The following AMMECR1 variants were observed in gnomAD, a reference collection of about 807,000 sequenced individuals.
AMMECR1 encodes AMMECR nuclear protein 1.
A neutral mutation model predicts 22.5 loss-of-function variants in AMMECR1; 3 were observed. That is an observed-to-expected ratio of 0.13 (90% confidence interval 0.06 to 0.35). AMMECR1 has a LOEUF of 0.35. Among genes scored for constraint, AMMECR1 ranks in the 10% least tolerant of loss-of-function variants. The pLI is 1.00. For missense variants in AMMECR1, 235 were observed against 278.7 expected, an observed-to-expected ratio of 0.84 and a Z score of 1.12; for synonymous variants, 130 against 116.7, an observed-to-expected ratio of 1.11 and a Z score of -0.74.
chrX:110,262,153 T>G (rs2067744930), intron 2 of AMMECR1, among the ~76,000 whole-genome samples: 1 of 112,118 alleles, frequency 8.9e-6, no homozygotes, highest in Admixed American at 9.4e-5. Flanking sequence ...CCTTACAACT[T>G]TTGATGCTAA....
chrX:110,292,616 G>A (rs780202603), intron 1 of AMMECR1, among the ~76,000 whole-genome samples: 3 of 112,237 alleles, frequency 2.7e-5, no homozygotes, highest in Admixed American at 9.5e-5. Context: ...AATCTAAAAA[G>A]TCTACACACT....
chrX:110,386,947 A>G (rs2068459893), intron 2 of AMMECR1, among the ~76,000 whole-genome samples: 1 of 112,348 alleles, frequency 8.9e-6, no homozygotes. Context: ...CACAACAGAA[A>G]AGATGCCACA....
chrX:110,394,282 C>T (rs1305143958), intron 2 of AMMECR1, among the ~76,000 whole-genome samples: 2 of 111,916 alleles, frequency 1.8e-5, no homozygotes, highest in Non-Finnish European at 1.9e-5. Flanking sequence ...CAGGGTCTCA[C>T]TCCTCTCGCC....
chrX:110,375,573 A>G (rs2148267773), intron 2 of AMMECR1, among the ~76,000 whole-genome samples: 1 of 111,929 alleles, frequency 8.9e-6, no homozygotes, highest in Admixed American at 9.4e-5. Flanking sequence ...TCAATCAATC[A>G]ATCAATTAGA....
chrX:110,348,166 A>G (rs2068197952), intron 2 of AMMECR1, among the ~76,000 whole-genome samples: 1 of 112,095 alleles, frequency 8.9e-6, no homozygotes, highest in African/African-American at 3.2e-5. Context: ...TAATTATTGT[A>G]GTAACTTCAG....
chrX:110,269,046 A>AT (rs2067784544), intron 1 of AMMECR1, among the ~76,000 whole-genome samples: 1 of 112,022 alleles, frequency 8.9e-6, no homozygotes, highest in African/African-American at 3.2e-5. Context: ...TAAACACTCC[A>AT]TTTTTTCATG....
intron 2 of AMMECR1, among the ~76,000 whole-genome samples, chrX:110,348,773 T>TTTATGTATATGC (rs2068200301): frequency 8.9e-6 from 1 of 112,374 alleles, no homozygotes; most frequent in African/African-American, 3.2e-5. Flanking sequence ...ATAATTCACA[T>TTTATGTATATGC]TTATGTATAT....
chrX:110,320,010 A>G (rs1208616010), upstream of AMMECR1, among the ~76,000 whole-genome samples: 1 of 112,444 alleles, frequency 8.9e-6, no homozygotes. Flanking sequence ...ATTTTATGAG[A>G]TAGATAGATG....
At chrX:110,367,482 T>C (rs747625071) in intron 2 of AMMECR1, among the ~76,000 whole-genome samples, 1 of 111,654 alleles carries the variant, frequency 9.0e-6, no homozygotes, top group South Asian at 3.8e-4. Flanking sequence ...TGACACAGTT[T>C]ATCACTCTCT....
chrX:110,228,234 C>A (rs954811287), intron 2 of AMMECR1, among the ~76,000 whole-genome samples: 3 of 111,539 alleles, frequency 2.7e-5, no homozygotes, highest in African/African-American at 9.8e-5. Context: ...TTTATCCTAG[C>A]TGAAACTCAA....
chrX:110,364,300 T>C (rs1182909014), intron 2 of AMMECR1, among the ~76,000 whole-genome samples: 1 of 111,690 alleles, frequency 9.0e-6, no homozygotes, highest in Non-Finnish European at 1.9e-5. Flanking sequence ...ATCCTTATCT[T>C]ACATACATCA....
In AMMECR1 at chrX:110,246,066, C is replaced by T. The variant is rs183561234; in HGVS notation, c.584+18423G>A. ...ATATATAGGATGTTAAATAGCATCCCCATTTCTTTTCCCCAGGCTATTTCT... is the reference window on the plus strand; with the variant it reads ...ATATATAGGATGTTAAATAGCATCCTCATTTCTTTTCCCCAGGCTATTTCT... On this transcript the variant is annotated intron_variant, in intron 2 of 5. Coordinates refer to ENST00000262844, the MANE Select transcript of AMMECR1 (RefSeq NM_015365.3). Among the ~76,000 whole-genome samples, 879 of 112,101 alleles carry T rather than the reference C, an allele frequency of 7.8e-3. 6 individuals carry two copies. Among genetic ancestry groups the T allele is most frequent in the African/African-American group, 0.025 (780 of 30,907 alleles).
At chrX:110,372,245 A>T (rs1318424336) in intron 2 of AMMECR1, among the ~76,000 whole-genome samples, 1 of 112,745 alleles carries the variant, frequency 8.9e-6, no homozygotes, top group East Asian at 2.8e-4. Flanking sequence ...AGGAGGATAT[A>T]AAATCAAGGA....
intron 2 of AMMECR1, among the ~76,000 whole-genome samples, chrX:110,338,722 T>C (rs925341814): frequency 2.7e-5 from 3 of 111,633 alleles, no homozygotes; most frequent in African/African-American, 9.8e-5. Context: ...TGTTCTGGAA[T>C]CTGTATGCCC....
intron 1 of AMMECR1, among the ~76,000 whole-genome samples, chrX:110,314,169 T>C (rs1212537806): frequency 3.6e-5 from 4 of 111,985 alleles, no homozygotes. Context: ...AGGAGCTTGT[T>C]AAACTGCAGA....
chrX:110,248,478 G>A (rs1050783405), intron 2 of AMMECR1, among the ~76,000 whole-genome samples: 1 of 111,841 alleles, frequency 8.9e-6, no homozygotes. Context: ...AGAAATCTAA[G>A]TTCAATAAGA....
intron 1 of AMMECR1, among the ~76,000 whole-genome samples, chrX:110,434,707 C>T (rs913549838): frequency 2.7e-5 from 3 of 111,148 alleles, no homozygotes; most frequent in African/African-American, 6.6e-5. Flanking sequence ...TGCTGGATAG[C>T]GGACATGTCC....
chrX:110,416,765 C>T (rs2148315754), intron 2 of AMMECR1, among the ~76,000 whole-genome samples: 1 of 112,144 alleles, frequency 8.9e-6, no homozygotes, highest in South Asian at 3.8e-4. Context: ...AGGGTGAAAA[C>T]ATACTCCTGT....
chrX:110,216,684 A>G, intron 2 of AMMECR1, 52 bp from the exon 3 acceptor site: 1 of 787,703 alleles, frequency 1.3e-6, no homozygotes, highest in South Asian at 2.5e-5. Flanking sequence ...GAAAGTTCCC[A>G]ATTTCAAATG....
Sources: allele counts gnomAD v4.1 joint callset (sites outside exome capture counted in the v4.1 genomes callset), GRCh38; gene constraint gnomAD v4.1.1; transcripts MANE v1.5; gene names NCBI Gene and HGNC (gene_info 2026-07-23, HGNC 2026-07-21).